Variants in ADAM10 observed in about 807,000 individuals in gnomAD.
The protein encoded by ADAM10 is disintegrin and metalloproteinase domain-containing protein 10.
A neutral mutation model predicts 90.1 loss-of-function variants in ADAM10; 17 were observed. The ratio of observed to expected loss-of-function variants is 0.19; its 90% CI spans 0.13 to 0.28. The LOEUF (loss-of-function observed/expected upper bound fraction) is 0.28. Ranked by LOEUF, ADAM10 falls within the 10% of genes least tolerant of loss-of-function variation. The pLI, the probability that ADAM10 is intolerant of heterozygous loss-of-function variation, is 1.00. For missense variants in ADAM10, 610 were observed against 914.3 expected, an observed-to-expected ratio of 0.67 and a Z score of 4.29; for synonymous variants, 310 against 298.6, an observed-to-expected ratio of 1.04 and a Z score of -0.40.
intron 1 of ADAM10, among the ~76,000 whole-genome samples, chr15:58,749,250 G>A (rs1348757680): frequency 2.0e-5 from 3 of 152,186 alleles, no homozygotes; most frequent in Non-Finnish European, 4.4e-5. Context: ...GCGGTGGGGG[G>A]CGGGGAAGGC....
chr15:58,729,398 C>G (rs59962817), intron 1 of ADAM10, among the ~76,000 whole-genome samples: 22 of 152,090 alleles, frequency 1.4e-4, no homozygotes, highest in African/African-American at 5.1e-4. Flanking sequence ...TGTTTTTCAG[C>G]GACTAACAGC....
chr15:58,632,734 T>C (rs1046981895), intron 9 of ADAM10, among the ~76,000 whole-genome samples: 1 of 152,228 alleles, frequency 6.6e-6, no homozygotes, highest in Non-Finnish European at 1.5e-5. Flanking sequence ...CTTTAAATTA[T>C]CAATCTCATT....
At chr15:58,664,459 G>C (rs529415771) in intron 5 of ADAM10, among the ~76,000 whole-genome samples, 1 of 152,076 alleles carries the variant, frequency 6.6e-6, no homozygotes, top group East Asian at 1.9e-4. Context: ...AAACAGAATT[G>C]TTTATGCCAT....
At chr15:58,599,801 A>C in intron 14 of ADAM10, 77 bp from the exon 15 acceptor site, 1 of 1,436,442 alleles carries the variant, frequency 7.0e-7, no homozygotes, top group South Asian at 1.2e-5. Context: ...AGTATATAAA[A>C]CATAGAATAG....
intron 14 of ADAM10, among the ~76,000 whole-genome samples, chr15:58,603,546 T>C: frequency 6.6e-6 from 1 of 152,140 alleles, no homozygotes; most frequent in Non-Finnish European, 1.5e-5. Flanking sequence ...CTAAAGTCAT[T>C]ATCATCTTCA....
chr15:58,671,625 G>C (rs1897195290), intron 4 of ADAM10, among the ~76,000 whole-genome samples: 1 of 152,164 alleles, frequency 6.6e-6, no homozygotes, highest in Non-Finnish European at 1.5e-5. Flanking sequence ...TGTCATCTTA[G>C]CACTTTAGGA....
intron 2 of ADAM10, among the ~76,000 whole-genome samples, chr15:58,687,588 A>G (rs1301283391): frequency 6.6e-6 from 1 of 152,136 alleles, no homozygotes; most frequent in Non-Finnish European, 1.5e-5. Context: ...TCATAAAAAA[A>G]AAAAAGGCTC....
At chr15:58,638,614 C>CAAAA (rs60048171) in intron 8 of ADAM10, among the ~76,000 whole-genome samples, 6 of 78,204 alleles carry the variant, frequency 7.7e-5, no homozygotes, top group Admixed American at 2.7e-4. Context: ...CACTCTGTCT[C>CAAAA]AAAAAAAAAA....
Position 58,717,616 on chromosome 15 carries a change from T to A in ADAM10, c.167A>T (p.Glu56Val), listed in dbSNP as rs746262659. Reference sequence around the variant, plus strand: ...GAAATCTAGACGTAAAAATTGGTCTTCATGTGAGACTGCTCTTTTGGCACG... The same window carrying A: ...GAAATCTAGACGTAAAAATTGGTCTACATGTGAGACTGCTCTTTTGGCACG... ...HQRAKRAVSH[E>V]DQFLRLDFHA... Residue 56 changes from glutamate (E) to valine (V), a missense_variant, in exon 2 of 16, where the codon GAA becomes GTA. Transcript: ENST00000260408. The A allele has an allele frequency of 3.1e-6, 5 of 1,613,980 alleles. No individual in the cohort carries two copies. Among genetic ancestry groups the A allele is most frequent in the Non-Finnish European group, 4.2e-6 (5 of 1,179,946 alleles).
intron 11 of ADAM10, among the ~76,000 whole-genome samples, chr15:58,613,008 G>A (rs1279477413): frequency 6.6e-6 from 1 of 152,208 alleles, no homozygotes; most frequent in East Asian, 1.9e-4. Context: ...GGTGCTCGTA[G>A]GCCATGTCAG....
rs1370018632 is a variant in ADAM10 at position 58,712,723 on chromosome 15, G to C, written c.206+4854C>G. On this transcript the variant is annotated intron_variant, in intron 2 of 15. Transcript: ENST00000260408. ...CGCCTCTAGTCCCAGCTACTCAGGA[G>C]GCTGAGGCAGGACAATGGCATGAAC... 2.0e-5 allele frequency among the ~76,000 whole-genome samples: 3 copies of C among 152,138 alleles called. No individual in the cohort carries two copies. The East Asian group carries it at 5.8e-4, about 29-fold the overall frequency.
At chr15:58,639,668 C>T (rs1896361921) in intron 8 of ADAM10, among the ~76,000 whole-genome samples, 1 of 151,964 alleles carries the variant, frequency 6.6e-6, no homozygotes, top group Admixed American at 6.6e-5. Context: ...TTTAAAATGA[C>T]ATCATGAAAT....
chr15:58,744,319 AATTT>A (rs1297475788), intron 1 of ADAM10, among the ~76,000 whole-genome samples: 2 of 152,192 alleles, frequency 1.3e-5, no homozygotes, highest in African/African-American at 2.4e-5. Flanking sequence ...GAAGATTTAG[AATTT>A]ATTTATTTCA....
intron 6 of ADAM10, among the ~76,000 whole-genome samples, chr15:58,644,768 C>A (rs1032640673): frequency 6.6e-6 from 1 of 152,120 alleles, no homozygotes; most frequent in Non-Finnish European, 1.5e-5. Flanking sequence ...TGACCCCTTT[C>A]TATATTCTTG....
At chr15:58,649,755 T>C (rs1197215826) in intron 5 of ADAM10, among the ~76,000 whole-genome samples, 1 of 152,210 alleles carries the variant, frequency 6.6e-6, no homozygotes, top group Non-Finnish European at 1.5e-5. Flanking sequence ...TAATGTGCTA[T>C]GGTATTGTTT....
At chr15:58,624,926 A>G (rs1189332042) in intron 10 of ADAM10, among the ~76,000 whole-genome samples, 1 of 152,180 alleles carries the variant, frequency 6.6e-6, no homozygotes, top group Non-Finnish European at 1.5e-5. Context: ...CTACAAAGCA[A>G]TATGTACATT....
At chr15:58,624,307 C>CA (rs1214877616) in intron 10 of ADAM10, among the ~76,000 whole-genome samples, 31 of 151,294 alleles carry the variant, frequency 2.0e-4, no homozygotes, top group Non-Finnish European at 3.4e-4. Flanking sequence ...AAAACAAAAA[C>CA]AAAAAAAACT....
chr15:58,607,696 C>A (rs572011362), intron 14 of ADAM10, among the ~76,000 whole-genome samples: 1 of 152,162 alleles, frequency 6.6e-6, no homozygotes, highest in Non-Finnish European at 1.5e-5. Flanking sequence ...TACAAAAATA[C>A]AAACTCCTGA....
intron 4 of ADAM10, among the ~76,000 whole-genome samples, chr15:58,670,179 C>A (rs1421574752): frequency 1.3e-5 from 2 of 150,394 alleles, no homozygotes; most frequent in African/African-American, 4.9e-5. Flanking sequence ...AATGTGTAGA[C>A]CCTGATTAAA....
Sources: gnomAD v4.1 joint callset for allele counts (sites outside exome capture counted in the v4.1 genomes callset) on GRCh38, gnomAD v4.1.1 for gene constraint, MANE v1.5 for transcripts, NCBI Gene and HGNC (gene_info 2026-07-23, HGNC 2026-07-21) for gene names.